Variants in CIROP observed in about 807,000 individuals in gnomAD.
CIROP encodes the protein leishmanolysin homolog.
chr14:23,101,444 C>A, the CIROP span: 2 of 601,250 alleles, frequency 3.3e-6, no homozygotes, highest in South Asian at 3.9e-5. Flanking sequence ...CTGGGCTTAT[C>A]CCCAGGGAGC....
At chr14:23,101,845 C>T in the CIROP span, 2 of 702,764 alleles carry the variant, frequency 2.8e-6, no homozygotes, top group Non-Finnish European at 5.2e-6. Context: ...CACACACCTG[C>T]CAGTACAGAA....
the CIROP span, chr14:23,100,957 GA>G: frequency 2.5e-6 from 1 of 399,106 alleles, no homozygotes; most frequent in Non-Finnish European, 4.4e-6. Context: ...ATTCTAAAGA[GA>G]GCTGGAATAG....
At chr14:23,101,175 A>C in the CIROP span, 3 of 410,278 alleles carry the variant, frequency 7.3e-6, no homozygotes, top group Admixed American at 7.9e-5. Flanking sequence ...TCATGGACTC[A>C]GTGGGTACTT....
the CIROP span, chr14:23,099,246 T>G: frequency 2.4e-6 from 1 of 413,472 alleles, no homozygotes; most frequent in Non-Finnish European, 4.4e-6. Context: ...CAAGAAATTA[T>G]TCTCTTCCTT....
chr14:23,100,441 A>C, the CIROP span: 2 of 413,126 alleles, frequency 4.8e-6, no homozygotes, highest in Non-Finnish European at 8.8e-6. Context: ...GTGCTTAATA[A>C]ATTTAATTTC....
At chr14:23,102,372 G>GC in the CIROP span, 1 of 702,756 alleles carries the variant, frequency 1.4e-6, no homozygotes, top group Non-Finnish European at 2.6e-6. Flanking sequence ...ACCCAGGGAA[G>GC]CCCCCGACAC....
chr14:23,104,476 G>A, the CIROP span: 13 of 702,920 alleles, frequency 1.8e-5, no homozygotes, highest in African/African-American at 1.6e-4. Context: ...TGCACTGGAG[G>A]GACTTGATAA....
chr14:23,104,238 C>T, the CIROP span: 1 of 653,518 alleles, frequency 1.5e-6, no homozygotes, highest in Non-Finnish European at 2.8e-6. Context: ...TTGACTCAAT[C>T]TCACCTTTGC....
chr14:23,099,411 G>A, the CIROP span: 1,467 of 413,510 alleles, frequency 3.5e-3, 6 homozygotes, highest in Non-Finnish European at 5.3e-3. Flanking sequence ...CACCCACCAG[G>A]ATTAGCAGCA....
the CIROP span, chr14:23,104,972 C>A: frequency 1.6e-6 from 1 of 641,168 alleles, no homozygotes; most frequent in South Asian, 1.7e-5. Context: ...CTTCCGTCCC[C>A]TTGTTCCCTG....
chr14:23,101,313 G>C, the CIROP span: 2 of 510,322 alleles, frequency 3.9e-6, no homozygotes, highest in Non-Finnish European at 6.9e-6. Context: ...TTCCAGGAAG[G>C]CATGGGACCC....
the CIROP span, chr14:23,101,865 G>T: frequency 1.4e-6 from 1 of 702,714 alleles, no homozygotes; most frequent in Non-Finnish European, 2.6e-6. Flanking sequence ...AGAAGTCTGA[G>T]GAGCCAGTCC....
At chr14:23,103,544 ACTGT>A in the CIROP span, 1 of 604,016 alleles carries the variant, frequency 1.7e-6, no homozygotes, top group Non-Finnish European at 3.0e-6. Context: ...ACAGAGTGAG[ACTGT>A]CTGAAAACAA....
chr14:23,104,946 A>G, the CIROP span: 2 of 669,586 alleles, frequency 3.0e-6, no homozygotes, highest in East Asian at 2.7e-5. Flanking sequence ...CTCCGTAGAT[A>G]CAGCCTGGAT....
the CIROP span, chr14:23,102,216 TA>T: frequency 4.3e-6 from 3 of 702,844 alleles, no homozygotes; most frequent in Non-Finnish European, 7.8e-6. Flanking sequence ...TAGCAGTCAT[TA>T]AAGAACCCTG....
the CIROP span, chr14:23,099,725 T>C: frequency 6.4e-6 from 2 of 313,496 alleles, no homozygotes. Context: ...CCACCACGTC[T>C]GGCTAAGGGG....
the CIROP span, chr14:23,103,555 A>G: frequency 6.9e-6 from 4 of 579,336 alleles, no homozygotes; most frequent in South Asian, 4.0e-5. Flanking sequence ...CTGTCTGAAA[A>G]CAAAAGCAAA....
the CIROP span, chr14:23,103,491 C>G: frequency 1.8e-6 from 1 of 559,190 alleles, no homozygotes; most frequent in East Asian, 3.0e-5. Flanking sequence ...GAGGTCAAGG[C>G]TGCGGTGAGC....
At chr14:23,104,545 C>T in the CIROP span, 6 of 701,518 alleles carry the variant, frequency 8.6e-6, no homozygotes, top group South Asian at 3.0e-5. Context: ...GATCTTCCTC[C>T]CCTGGACCTC....
Sources: gnomAD v4.1 joint callset for allele counts on GRCh38, gnomAD v4.1.1 for gene constraint, MANE v1.5 for transcripts, NCBI Gene and HGNC (gene_info 2026-07-23, HGNC 2026-07-21) for gene names.